The following MTRR variants were observed in gnomAD, a reference collection of about 807,000 sequenced individuals.
MTRR encodes methionine synthase reductase.
A neutral mutation model predicts 79.2 loss-of-function variants in MTRR; 63 were observed. The ratio of observed to expected loss-of-function variants is 0.80; its 90% CI spans 0.65 to 0.98. The LOEUF (loss-of-function observed/expected upper bound fraction) is 0.98, where lower values mean the gene tolerates loss of function less well. Ranked by LOEUF, MTRR falls within the 50% of genes least tolerant of loss-of-function variation. The probability of loss-of-function intolerance (pLI) is 0.00; values close to 1 mark genes in which losing one functional copy is unlikely to be tolerated. For missense variants in MTRR, 895 were observed against 839.6 expected (o/e 1.07, Z -0.82); for synonymous variants, 355 against 313.3 (o/e 1.13, Z -1.41).
chr5:7,899,566 A>T (rs1453013629), intron 14 of MTRR, among the ~76,000 whole-genome samples: 4 of 152,086 alleles, frequency 2.6e-5, no homozygotes, highest in Non-Finnish European at 5.9e-5. Flanking sequence ...GTGCTTTGAG[A>T]GTGGAGGGCA....
chr5:7,896,792 GTTCCTAATGAAAGA>G, intron 12 of MTRR, 58 bp from the exon 13 acceptor site: 1 of 1,176,338 alleles, frequency 8.5e-7, no homozygotes, highest in Non-Finnish European at 1.3e-6. Context: ...GTTGGTGGTA[GTTCCTAATGAAAGA>G]GATTGGTTTT....
At chr5:7,850,940 AGGCGGACTGCGCCGAGACGGGC>A, upstream of MTRR, 1 of 1,351,054 alleles carries the variant, frequency 7.4e-7, no homozygotes, top group Non-Finnish European at 9.5e-7. Flanking sequence ...ATGTAGCTGA[AGGCGGACTGCGCCGAGACGGGC>A]GGCGGCCTGG....
chr5:7,900,440 G>C lies in MTRR; in HGVS notation c.*382G>C, dbSNP rs1220291977. ...GAGTAGCTCATTCTTGTGACTTACA[G>C]TGCCAACATTTAAAAAAGTATGAAA... On this transcript the variant is annotated 3_prime_UTR_variant, in exon 15 of 15. Transcript: ENST00000440940. 2 of 223,090 alleles carry C rather than the reference G, an allele frequency of 9.0e-6. No homozygotes were observed. Among genetic ancestry groups the C allele is most frequent in the Admixed American group, 1.0e-4 (2 of 19,234 alleles). The allele number at this position is 223,090 out of a possible 1,614,324, so 13.8% of individuals were successfully genotyped here.
At position 7,900,916 on chromosome 5, in the gene MTRR, T is replaced by C. The variant is rs1739375803; in HGVS notation, c.*858T>C. 6.6e-6 allele frequency: 1 copy of C among 152,226 alleles called. No homozygotes were observed. Among genetic ancestry groups the C allele is most frequent in the African/African-American group, 2.4e-5 (1 of 41,464 alleles). The allele number at this position is 152,226 out of a possible 1,614,324, so 9.4% of individuals were successfully genotyped here. On this transcript the variant is annotated 3_prime_UTR_variant, in exon 15 of 15. Coordinates refer to ENST00000440940, the MANE Select transcript of MTRR (RefSeq NM_002454.3). ...TGTGCTGGACCTAAAATACTGACTT[T>C]AGTTAGTATCCTTGGATTTTTAGAT... is the stretch of plus-strand genomic sequence containing the variant.
upstream of MTRR, chr5:7,866,504 G>C (rs1022752881): frequency 1.5e-6 from 1 of 661,542 alleles, no homozygotes; most frequent in Non-Finnish European, 2.6e-6. Context: ...GTTTATGCCA[G>C]CATCTGTTAA....
rs368193742 is a variant in MTRR at position 7,869,229 on chromosome 5, C to A, written c.-26+14C>A. 1 of 1,603,800 alleles carries A rather than the reference C, an allele frequency of 6.2e-7. No individual in the cohort carries two copies. The highest frequency in any genetic ancestry group is 8.5e-7 in the Non-Finnish European group (1 of 1,179,616). On this transcript the variant is annotated intron_variant, in intron 1 of 14. Coordinates refer to ENST00000440940, the MANE Select transcript of MTRR (RefSeq NM_002454.3). ...GGCGCGGCGTGGGTAAGCTGCCTGT[C>A]GGCTACGGTTCCCGGATTCCGGCCG...
At chr5:7,858,909 A>G (rs1746344773) in intron 1 of MTRR, among the ~76,000 whole-genome samples, 1 of 152,046 alleles carries the variant, frequency 6.6e-6, no homozygotes, top group African/African-American at 2.4e-5. Flanking sequence ...TTGCTTTTCC[A>G]TTTCTCTAAA....
intron 9 of MTRR, chr5:7,890,537 G>T: frequency 2.3e-6 from 1 of 436,490 alleles, no homozygotes; most frequent in Non-Finnish European, 3.0e-6. Context: ...ACATTACGTA[G>T]TTATATAAAA....
At chr5:7,864,437 A>G (rs912758886), upstream of MTRR, among the ~76,000 whole-genome samples, 1 of 152,208 alleles carries the variant, frequency 6.6e-6, no homozygotes, top group Non-Finnish European at 1.5e-5. Context: ...AGATTCGACT[A>G]CAGAACATTT....
chr5:7,864,364 T>C (rs1325138877), upstream of MTRR, among the ~76,000 whole-genome samples: 1 of 152,182 alleles, frequency 6.6e-6, no homozygotes, highest in African/African-American at 2.4e-5. Flanking sequence ...TTAAAAGATA[T>C]TATTTTTAAA....
intron 7 of MTRR, 41 bp from the exon 8 acceptor site, chr5:7,886,574 C>T (rs1736468065): frequency 1.4e-6 from 2 of 1,425,570 alleles, no homozygotes; most frequent in South Asian, 1.1e-5. Context: ...TATTCTTCAT[C>T]TTCTATGTCA....
chr5:7,890,927 TC>T (rs1439656486), intron 9 of MTRR, among the ~76,000 whole-genome samples: 1 of 152,060 alleles, frequency 6.6e-6, no homozygotes, highest in African/African-American at 2.4e-5. Flanking sequence ...TTTCAGTAAT[TC>T]TTGAAAGAGT....
upstream of MTRR, among the ~76,000 whole-genome samples, chr5:7,864,204 A>G (rs1350148982): frequency 6.6e-6 from 1 of 152,196 alleles, no homozygotes; most frequent in Non-Finnish European, 1.5e-5. Flanking sequence ...TATGGAGGTA[A>G]TACACATGTT....
intron 11 of MTRR, among the ~76,000 whole-genome samples, chr5:7,895,518 A>AT (rs1448034545): frequency 1.3e-5 from 2 of 152,110 alleles, no homozygotes; most frequent in African/African-American, 4.8e-5. Context: ...TTTTTACAAC[A>AT]TTTTTTATTT....
At chr5:7,880,913 A>G (rs893578503) in intron 5 of MTRR, among the ~76,000 whole-genome samples, 3 of 152,144 alleles carry the variant, frequency 2.0e-5, no homozygotes, top group African/African-American at 7.2e-5. Flanking sequence ...GAATGTTTGC[A>G]CATTCCCCTT....
At chr5:7,859,498 T>C (rs1315894722) in intron 1 of MTRR, 15 of 1,607,050 alleles carry the variant, frequency 9.3e-6, no homozygotes, top group South Asian at 2.2e-5. Flanking sequence ...ATTCCACCAA[T>C]TCACGTCTTG....
intron 9 of MTRR, among the ~76,000 whole-genome samples, chr5:7,891,062 C>G (rs1041246773): frequency 3.3e-5 from 5 of 151,940 alleles, no homozygotes; most frequent in Admixed American, 6.6e-5. Context: ...TTGCTGAGCT[C>G]CTCACCTCTG....
At chr5:7,887,793 CATATATATATAT>C (rs372829698) in intron 8 of MTRR, among the ~76,000 whole-genome samples, 1,175 of 91,996 alleles carry the variant, frequency 0.013, 22 homozygotes, top group South Asian at 0.026. Flanking sequence ...TGTGTGTGTG[CATATATATATAT>C]ATATATATAT....
At position 7,873,400 on chromosome 5, in the gene MTRR, C is replaced by A; in HGVS notation, c.157C>A (p.Leu53Ile). The change falls in exon 3 of 15, where the codon CTT (leucine) becomes ATT (isoleucine). Residue 53 changes from leucine (L) to isoleucine (I), a missense_variant. Leu to Ile is a conservative substitution (Grantham distance 5). Transcript: ENST00000440940. The part of the protein sequence containing the change: ...KYDLKTETAP[L>I]VVVVSTTGTG... Reference sequence around the variant, plus strand: ...TGACCTAAAAACCGAAACAGCTCCTCTTGTTGTTGTGGTTTCTACCACGGG... The same window carrying A: ...TGACCTAAAAACCGAAACAGCTCCTATTGTTGTTGTGGTTTCTACCACGGG... 6 of 1,614,198 alleles carry A rather than the reference C, an allele frequency of 3.7e-6. No individual in the cohort carries two copies. Among genetic ancestry groups the A allele is most frequent in the Non-Finnish European group, 4.2e-6 (5 of 1,180,032 alleles).
Sources: allele counts gnomAD v4.1 joint callset (sites outside exome capture counted in the v4.1 genomes callset), GRCh38; gene constraint gnomAD v4.1.1; transcripts MANE v1.5; gene names NCBI Gene and HGNC (gene_info 2026-07-23, HGNC 2026-07-21).